Variants in CALN1 observed in about 807,000 individuals in gnomAD.
CALN1 encodes the protein calneuron 1, also known as calcium-binding protein 8.
In CALN1, 17 loss-of-function variants were observed where a neutral mutation model predicts 30.6. The ratio of observed to expected loss-of-function variants is 0.56; its 90% CI spans 0.38 to 0.83. The LOEUF (loss-of-function observed/expected upper bound fraction) is 0.83, where lower values mean the gene tolerates loss of function less well. CALN1 is among the 40% of genes least tolerant of loss of function. CALN1 has a pLI of 0.00. For missense variants in CALN1, 291 were observed against 354.9 expected, an observed-to-expected ratio of 0.82 and a Z score of 1.45; for synonymous variants, 156 against 131.4, an observed-to-expected ratio of 1.19 and a Z score of -1.28.
rs34402288 is a variant in CALN1 at position 72,408,270 on chromosome 7, TAAAAAA to T, written c.-74+3782_-74+3787del. On this transcript the variant is annotated intron_variant, in intron 1 of 6. Transcript: ENST00000395275. ...CAACATGGTGAAACCCCATCTCTAT[TAAAAAA>T]AAAAAAAAAAAAAAATTAGTAGTGC... is the stretch of plus-strand genomic sequence containing the variant. Among the ~76,000 whole-genome samples, 4 of 129,448 alleles carry T rather than the reference TAAAAAA, an allele frequency of 3.1e-5. No individual in the cohort carries two copies. The East Asian group carries it at 7.2e-4, about 23-fold the overall frequency. The allele number at this position is 129,448 out of a possible 152,430, so 84.9% of individuals were successfully genotyped here. A position where few individuals can be genotyped will look rare whatever the true frequency, so the allele number is the denominator to read the frequency against.
intron 2 of CALN1, among the ~76,000 whole-genome samples, chr7:72,281,615 A>G (rs1421104420): frequency 6.6e-6 from 1 of 152,218 alleles, no homozygotes; most frequent in East Asian, 1.9e-4. Context: ...ACAAGCATGG[A>G]AAGACACCTG....
At chr7:72,324,075 G>A (rs1251075349) in intron 2 of CALN1, among the ~76,000 whole-genome samples, 1 of 152,110 alleles carries the variant, frequency 6.6e-6, no homozygotes, top group Admixed American at 6.5e-5. Context: ...AGATCCCCTG[G>A]TTGGCACATC....
intron 4 of CALN1, among the ~76,000 whole-genome samples, chr7:72,039,080 C>T (rs969742175): frequency 6.6e-6 from 1 of 152,218 alleles, no homozygotes; most frequent in Non-Finnish European, 1.5e-5. Flanking sequence ...GCTAGAACTA[C>T]AGGTGTGAGC....
At chr7:72,230,709 T>C (rs965779566) in intron 3 of CALN1, among the ~76,000 whole-genome samples, 1 of 152,148 alleles carries the variant, frequency 6.6e-6, no homozygotes, top group Non-Finnish European at 1.5e-5. Flanking sequence ...TATCCCTATT[T>C]TATCCCAGTA....
intron 1 of CALN1, among the ~76,000 whole-genome samples, chr7:72,439,049 T>G (rs553169710): frequency 1.3e-4 from 20 of 152,266 alleles, no homozygotes; most frequent in African/African-American, 4.3e-4. Context: ...TTTTTCTTTT[T>G]TTCTGGAGAC....
At chr7:72,376,652 T>C (rs1804574786) in intron 2 of CALN1, among the ~76,000 whole-genome samples, 1 of 152,252 alleles carries the variant, frequency 6.6e-6, no homozygotes, top group Non-Finnish European at 1.5e-5. Context: ...TCCCATTCTG[T>C]GGGTTATCTT....
intron 4 of CALN1, among the ~76,000 whole-genome samples, chr7:72,028,359 A>T (rs1182866171): frequency 1.3e-5 from 2 of 152,188 alleles, no homozygotes; most frequent in Middle Eastern, 3.2e-3. Context: ...GCTCTGGGCC[A>T]AATCATCACA....
chr7:72,501,908 CAAAAAAA>C, the CALN1 span, among the ~76,000 whole-genome samples: 7 of 24,736 alleles, frequency 2.8e-4, no homozygotes, highest in Admixed American at 7.9e-4. Context: ...GATTTCGTCT[CAAAAAAA>C]AAAAAAAAAA....
At chr7:71,952,420 A>G (rs1796738498) in intron 5 of CALN1, among the ~76,000 whole-genome samples, 4 of 152,172 alleles carry the variant, frequency 2.6e-5, no homozygotes. Context: ...GAAGGCGTGC[A>G]TGTCAGCAGA....
chr7:72,029,579 G>C (rs1032410046), intron 4 of CALN1, among the ~76,000 whole-genome samples: 2 of 152,160 alleles, frequency 1.3e-5, no homozygotes, highest in Non-Finnish European at 2.9e-5. Flanking sequence ...GGAAATTTCA[G>C]TGCCATCTCC....
chr7:71,857,022 G>C (rs866838094), intron 5 of CALN1, among the ~76,000 whole-genome samples: 1 of 106,806 alleles, frequency 9.4e-6, no homozygotes, highest in Non-Finnish European at 1.7e-5. Context: ...ATGTATGTGT[G>C]TGTGTGTGTG....
In CALN1 at chr7:72,081,777, T is replaced by A. The variant is rs1053695290; in HGVS notation, c.388+24374A>T. On this transcript the variant is annotated intron_variant, in intron 4 of 6. Coordinates refer to ENST00000395275, the MANE Select transcript of CALN1 (RefSeq NM_031468.4). ...ACTAGCCAGAACTCATCCAGATGGC[T>A]TCTTAATTGGAGCGGGCATCTCTCC... 4.6e-5 allele frequency among the ~76,000 whole-genome samples: 7 copies of A among 152,226 alleles called. No individual in the cohort carries two copies. The South Asian group carries it at 1.5e-3, about 32-fold the overall frequency.
intron 3 of CALN1, among the ~76,000 whole-genome samples, chr7:72,274,889 T>G (rs1797238937): frequency 6.6e-6 from 1 of 152,194 alleles, no homozygotes; most frequent in Non-Finnish European, 1.5e-5. Flanking sequence ...CTTTGCATGT[T>G]TCCCTCCTGA....
chr7:72,217,445 T>C (rs1393369550), intron 3 of CALN1, among the ~76,000 whole-genome samples: 1 of 152,170 alleles, frequency 6.6e-6, no homozygotes, highest in Non-Finnish European at 1.5e-5. Flanking sequence ...GCGCTCTCCC[T>C]GGCCCTGACA....
the CALN1 span, among the ~76,000 whole-genome samples, chr7:72,500,068 A>C: frequency 6.0e-5 from 8 of 132,332 alleles, no homozygotes; most frequent in Admixed American, 2.3e-4. Flanking sequence ...TGCACCACCA[A>C]GTTGGGCTAA....
intron 5 of CALN1, among the ~76,000 whole-genome samples, chr7:71,885,277 G>GA (rs1469298780): frequency 6.6e-6 from 1 of 151,952 alleles, no homozygotes; most frequent in African/African-American, 2.4e-5. Flanking sequence ...TCAGCCTCCC[G>GA]AGTAGCTGGG....
chr7:72,175,159 C>T lies in CALN1; in HGVS notation c.245-68865G>A, dbSNP rs189419656. ...CGCAATCTCGGCTCACTGCAAGCTC[C>T]GCCTCCCAGGTTCACGCCATTCTCC... On this transcript the variant is annotated intron_variant, in intron 3 of 6. Transcript: ENST00000395275. 2.0e-3 allele frequency among the ~76,000 whole-genome samples: 308 copies of T among 151,908 alleles called. 2 individuals carry two copies. Among genetic ancestry groups the T allele is most frequent in the African/African-American group, 7.0e-3 (292 of 41,442 alleles).
At chr7:72,131,818 C>A (rs981918474) in intron 3 of CALN1, among the ~76,000 whole-genome samples, 9 of 152,132 alleles carry the variant, frequency 5.9e-5, no homozygotes, top group African/African-American at 1.7e-4. Context: ...TGCCTGGAAC[C>A]ACTCTCTTTC....
chr7:71,836,831 C>T (rs13223222), intron 5 of CALN1, among the ~76,000 whole-genome samples: 109,723 of 151,082 alleles, frequency 0.73, 40,426 homozygotes, highest in East Asian at 1. Context: ...TTGGCCAGGT[C>T]GGTCTCAAAC....
Sources: allele counts gnomAD v4.1 joint callset (sites outside exome capture counted in the v4.1 genomes callset), GRCh38; gene constraint gnomAD v4.1.1; transcripts MANE v1.5; gene names NCBI Gene and HGNC (gene_info 2026-07-23, HGNC 2026-07-21).